The following MBNL1 variants were observed in gnomAD, a reference collection of about 807,000 sequenced individuals.
MBNL1 encodes the protein muscleblind like splicing regulator 1.
A neutral mutation model predicts 42.2 loss-of-function variants in MBNL1; 8 were observed. The ratio of observed to expected loss-of-function variants is 0.19; its 90% CI spans 0.11 to 0.34. The LOEUF is 0.34. Ranked by LOEUF, MBNL1 falls within the 10% of genes least tolerant of loss-of-function variation. The pLI is 1.00. For missense variants in MBNL1, 309 were observed against 495.3 expected (o/e 0.62, Z 3.57); for synonymous variants, 169 against 173.9 (o/e 0.97, Z 0.22).
chr3:152,306,279 T>C (rs2063083957), intron 2 of MBNL1, among the ~76,000 whole-genome samples: 1 of 152,212 alleles, frequency 6.6e-6, no homozygotes, highest in Non-Finnish European at 1.5e-5. Flanking sequence ...CCCCAGCATT[T>C]GGTATAAACA....
intron 1 of MBNL1, among the ~76,000 whole-genome samples, chr3:152,294,535 C>T (rs779583097): frequency 9.9e-5 from 15 of 152,044 alleles, no homozygotes; most frequent in Non-Finnish European, 1.8e-4. Flanking sequence ...CTGCCTGCCT[C>T]GGCCTCCCAA....
chr3:152,302,263 T>A (rs2151604992), intron 2 of MBNL1: 1 of 152,292 alleles, frequency 6.6e-6, no homozygotes, highest in South Asian at 2.1e-4. Context: ...TTGTCCTTTT[T>A]CTTTGTCTTT....
chr3:152,379,154 T>G (rs934000507), intron 2 of MBNL1, among the ~76,000 whole-genome samples: 2 of 152,208 alleles, frequency 1.3e-5, no homozygotes, highest in African/African-American at 4.8e-5. Context: ...AATTAAAAAT[T>G]TGTCATATAA....
chr3:152,410,515 A>G (rs2098541710), intron 2 of MBNL1, among the ~76,000 whole-genome samples: 1 of 152,256 alleles, frequency 6.6e-6, no homozygotes, highest in Non-Finnish European at 1.5e-5. Context: ...TAAAATATAT[A>G]CTGCATATAT....
chr3:152,367,264 T>G (rs1007263127), intron 2 of MBNL1, among the ~76,000 whole-genome samples: 9 of 151,774 alleles, frequency 5.9e-5, no homozygotes, highest in Admixed American at 3.3e-4. Flanking sequence ...ACTTATGAGT[T>G]AGAACATGTG....
At chr3:152,460,734 T>G (rs1744286730) in intron 9 of MBNL1, among the ~76,000 whole-genome samples, 1 of 152,168 alleles carries the variant, frequency 6.6e-6, no homozygotes, top group African/African-American at 2.4e-5. Context: ...GCTCAGATGC[T>G]TGTTATTTAT....
At chr3:152,260,036 T>C (rs2035999287) in intron 2 of MBNL1, among the ~76,000 whole-genome samples, 1 of 152,152 alleles carries the variant, frequency 6.6e-6, no homozygotes. Context: ...AGGCTTCAGG[T>C]CTAGTTTTTC....
At chr3:152,359,146 A>C (rs2095753235) in intron 2 of MBNL1, among the ~76,000 whole-genome samples, 1 of 152,208 alleles carries the variant, frequency 6.6e-6, no homozygotes, top group Non-Finnish European at 1.5e-5. Context: ...TACATGTATA[A>C]GCAAGAAATT....
intron 2 of MBNL1, among the ~76,000 whole-genome samples, chr3:152,383,854 T>C (rs1380418950): frequency 1.3e-5 from 2 of 152,096 alleles, no homozygotes. Flanking sequence ...ATTAATTTCA[T>C]CTTCCCTCAC....
chr3:152,358,399 T>C (rs1286463326), intron 2 of MBNL1, among the ~76,000 whole-genome samples: 1 of 152,080 alleles, frequency 6.6e-6, no homozygotes, highest in African/African-American at 2.4e-5. Context: ...GTAGTCCTGG[T>C]ATGTGAGAGA....
intron 2 of MBNL1, among the ~76,000 whole-genome samples, chr3:152,261,026 A>AG (rs1173054622): frequency 6.6e-6 from 1 of 152,196 alleles, no homozygotes; most frequent in Non-Finnish European, 1.5e-5. Context: ...AAAGGAAAAA[A>AG]TGGAACAGGT....
chr3:152,464,641 G>C lies in MBNL1; in HGVS notation c.*2275G>C, dbSNP rs575034974. The C allele has an allele frequency of 6.6e-6, 1 of 152,538 alleles. No homozygotes were observed. Among genetic ancestry groups the C allele is most frequent in the Non-Finnish European group, 1.5e-5 (1 of 67,968 alleles). 9.4% of individuals were successfully genotyped at this position (152,538 alleles called of 1,614,324 possible). ...TATTTTTGAAATCCCTGAGTATCAG[G>C]CCTTGTTATAAATAAGCTGCATAAT... is the stretch of plus-strand genomic sequence containing the variant. On this transcript the variant is annotated 3_prime_UTR_variant, in exon 10 of 10. Coordinates refer to ENST00000324210, the MANE Select transcript of MBNL1 (RefSeq NM_021038.5).
chr3:152,302,174 A>C (rs2060976408), intron 2 of MBNL1: 2 of 152,308 alleles, frequency 1.3e-5, no homozygotes, highest in Non-Finnish European at 2.9e-5. Flanking sequence ...CAACTGCCAC[A>C]TCAAGGACTT....
At chr3:152,417,666 T>C (rs2098724660) in intron 3 of MBNL1, among the ~76,000 whole-genome samples, 1 of 151,976 alleles carries the variant, frequency 6.6e-6, no homozygotes, top group African/African-American at 2.4e-5. Flanking sequence ...AATTACTTGA[T>C]GAGTGAAAGA....
intron 2 of MBNL1, among the ~76,000 whole-genome samples, chr3:152,313,608 C>G (rs1002147410): frequency 3.9e-5 from 6 of 152,184 alleles, no homozygotes; most frequent in South Asian, 4.1e-4. Context: ...TTGTTCTTAT[C>G]TGAATGACAG....
rs554976980 is a variant in MBNL1, at chr3:152,401,948, C to T, written c.175-12993C>T. ...TCGGGAGGCTGAGGCAGGAGAATGG[C>T]GTGAACCTGGGAGGCAGAGCTTGCA... On this transcript the variant is annotated intron_variant, in intron 2 of 9. Coordinates refer to ENST00000324210, the MANE Select transcript of MBNL1 (RefSeq NM_021038.5). Among the ~76,000 whole-genome samples the T allele has an allele frequency of 1.9e-3, 288 of 150,352 alleles. 1 individual carries two copies. Among genetic ancestry groups the T allele is most frequent in the Non-Finnish European group, 3.1e-3 (210 of 67,758 alleles).
At chr3:152,423,253 C>T (rs2098836369) in intron 3 of MBNL1, among the ~76,000 whole-genome samples, 1 of 152,158 alleles carries the variant, frequency 6.6e-6, no homozygotes, top group African/African-American at 2.4e-5. Flanking sequence ...GGGGATATCA[C>T]CACTGATCCC....
chr3:152,271,147 A>G (rs557516894), intron 1 of MBNL1, among the ~76,000 whole-genome samples: 1 of 152,218 alleles, frequency 6.6e-6, no homozygotes, highest in East Asian at 1.9e-4. Flanking sequence ...ATGGTTTGAG[A>G]TATTATTGCT....
At chr3:152,381,408 T>C (rs564985717) in intron 2 of MBNL1, among the ~76,000 whole-genome samples, 4 of 151,948 alleles carry the variant, frequency 2.6e-5, no homozygotes, top group African/African-American at 9.7e-5. Context: ...ACAAACGCTG[T>C]CCATAAGTGC....
Sources: gnomAD v4.1 joint callset for allele counts (sites outside exome capture counted in the v4.1 genomes callset) on GRCh38, gnomAD v4.1.1 for gene constraint, MANE v1.5 for transcripts, NCBI Gene and HGNC (gene_info 2026-07-23, HGNC 2026-07-21) for gene names.